The following IDE variants were observed in gnomAD, a reference collection of about 807,000 sequenced individuals.
IDE encodes the protein insulin degrading enzyme.
In IDE, 58 loss-of-function variants were observed where a neutral mutation model predicts 133.2. The ratio of observed to expected loss-of-function variants is 0.44; its 90% CI spans 0.35 to 0.54. IDE has a LOEUF of 0.54. Ranked by LOEUF, IDE falls within the 20% of genes least tolerant of loss-of-function variation. The probability of loss-of-function intolerance (pLI) is 0.00; values close to 1 mark genes in which losing one functional copy is unlikely to be tolerated. For synonymous variants in IDE, 396 were observed against 421.3 expected, an observed-to-expected ratio of 0.94 and a Z score of 0.73; for missense variants, 981 against 1,234.0, an observed-to-expected ratio of 0.79 and a Z score of 3.07.
chr10:92,536,991 T>C (rs1226683714), intron 2 of IDE, among the ~76,000 whole-genome samples: 6 of 151,422 alleles, frequency 4.0e-5, no homozygotes, highest in Admixed American at 3.3e-4. Flanking sequence ...TGAGCCGAGA[T>C]TGCGCCACTG....
chr10:92,566,348 C>T (rs1048395371), intron 1 of IDE, among the ~76,000 whole-genome samples: 2 of 151,912 alleles, frequency 1.3e-5, no homozygotes, highest in Non-Finnish European at 2.9e-5. Flanking sequence ...GCCCTGATCA[C>T]GCCACTGCAC....
intron 1 of IDE, 126 bp downstream of exon 1, chr10:92,573,796 C>T (rs2135870287): frequency 1.5e-6 from 1 of 678,996 alleles, no homozygotes; most frequent in South Asian, 2.4e-5. Flanking sequence ...GGCCCCAGGC[C>T]GGCGGGACGG....
intron 1 of IDE, among the ~76,000 whole-genome samples, chr10:92,548,107 C>A (rs1842607732): frequency 6.6e-6 from 1 of 151,954 alleles, no homozygotes; most frequent in African/African-American, 2.4e-5. Flanking sequence ...TGCCTGTAAT[C>A]CCAGCACTTT....
At chr10:92,513,596 T>C (rs1848740201) in intron 5 of IDE, among the ~76,000 whole-genome samples, 2 of 151,358 alleles carry the variant, frequency 1.3e-5, no homozygotes, top group South Asian at 4.1e-4. Context: ...ACAGCTTTTG[T>C]TTTCTCTTTA....
chr10:92,524,518 T>TATATG (rs1849512247), intron 4 of IDE, among the ~76,000 whole-genome samples: 1 of 46,844 alleles, frequency 2.1e-5, no homozygotes, highest in Non-Finnish European at 4.1e-5. Flanking sequence ...ATATATAATA[T>TATATG]ATATTATATT....
intron 4 of IDE, among the ~76,000 whole-genome samples, chr10:92,529,896 A>G (rs1849821598): frequency 6.6e-6 from 1 of 152,140 alleles, no homozygotes; most frequent in Non-Finnish European, 1.5e-5. Flanking sequence ...AAATAGCAGC[A>G]TTGTTTGTGT....
chr10:92,544,250 G>C (rs1005802101), intron 1 of IDE, among the ~76,000 whole-genome samples: 1 of 148,222 alleles, frequency 6.7e-6, no homozygotes, highest in African/African-American at 2.5e-5. Flanking sequence ...AAAAAAAAAA[G>C]ATAGAATACC....
At chr10:92,556,309 CAATT>C (rs1322029538) in intron 1 of IDE, among the ~76,000 whole-genome samples, 5 of 147,654 alleles carry the variant, frequency 3.4e-5, no homozygotes, top group South Asian at 2.1e-4. Context: ...AATAAGAAAA[CAATT>C]AATAATAGCA....
chr10:92,530,708 C>A (rs1023426290), intron 4 of IDE, among the ~76,000 whole-genome samples: 8 of 152,184 alleles, frequency 5.3e-5, no homozygotes, highest in African/African-American at 1.7e-4. Context: ...CCACACTATT[C>A]ATCTTGGCAA....
chr10:92,548,817 C>G (rs996863273), intron 1 of IDE, among the ~76,000 whole-genome samples: 1 of 152,146 alleles, frequency 6.6e-6, no homozygotes, highest in African/African-American at 2.4e-5. Flanking sequence ...AAGTAGTTCT[C>G]AATGGGTGAC....
chr10:92,511,533 T>C (rs570085893), intron 5 of IDE, among the ~76,000 whole-genome samples: 4 of 152,224 alleles, frequency 2.6e-5, no homozygotes, highest in Non-Finnish European at 5.9e-5. Context: ...AATAAGATTC[T>C]TGCCTTGATA....
At chr10:92,491,014 G>A (rs1486674578) in intron 11 of IDE, among the ~76,000 whole-genome samples, 1 of 152,164 alleles carries the variant, frequency 6.6e-6, no homozygotes, top group East Asian at 1.9e-4. Context: ...GAGGCAGGAT[G>A]CTCACTTGAG....
Position 92,507,686 on chromosome 10 carries a change from T to A in IDE, c.1154-20A>T. The A allele has an allele frequency of 7.8e-7, 1 of 1,279,652 alleles. No homozygotes were observed. 79.3% of individuals were successfully genotyped at this position (1,279,652 alleles called of 1,614,324 possible). On this transcript the variant is annotated intron_variant, in intron 8 of 24. Coordinates refer to ENST00000265986, the MANE Select transcript of IDE (RefSeq NM_004969.4). ...CATGTACTGGAAAAAAGGGGCACAC[T>A]TAAAAACCATTCAGTCCTTGAATCC...
At chr10:92,517,591 AT>A (rs1329994050) in intron 4 of IDE, among the ~76,000 whole-genome samples, 2 of 151,578 alleles carry the variant, frequency 1.3e-5, no homozygotes, top group African/African-American at 2.4e-5. Flanking sequence ...AATTATTTTT[AT>A]TTTTTTTGGT....
intron 5 of IDE, among the ~76,000 whole-genome samples, chr10:92,510,521 T>C (rs775216242): frequency 6.6e-6 from 1 of 152,082 alleles, no homozygotes; most frequent in Non-Finnish European, 1.5e-5. Flanking sequence ...AAATTATCTT[T>C]TGTGCCTTTA....
rs561461888 is a variant in IDE at position 92,524,735 on chromosome 10, C to A, written c.661+7013G>T. Among the ~76,000 whole-genome samples, 18 of 144,208 alleles carry A rather than the reference C, an allele frequency of 1.2e-4. No individual in the cohort carries two copies. In the South Asian group the frequency reaches 3.5e-3, roughly 28 times the overall value. 94.6% of individuals were successfully genotyped at this position (144,208 alleles called of 152,430 possible). On this transcript the variant is annotated intron_variant, in intron 4 of 24. Coordinates refer to ENST00000265986, the MANE Select transcript of IDE (RefSeq NM_004969.4). ...GTCAGAAGTTTGAGATCAGCCTGGC[C>A]AATATAGCAAAACCCCGTCTCTACT...
chr10:92,510,780 A>G (rs1191152036), intron 5 of IDE, among the ~76,000 whole-genome samples: 2 of 42,462 alleles, frequency 4.7e-5, no homozygotes, highest in South Asian at 7.6e-4. Flanking sequence ...TATAGCACAT[A>G]CATCTCACAT....
At chr10:92,482,811 T>G (rs1846695510) in intron 14 of IDE, among the ~76,000 whole-genome samples, 1 of 152,112 alleles carries the variant, frequency 6.6e-6, no homozygotes, top group Non-Finnish European at 1.5e-5. Context: ...TTTTTTTCTT[T>G]TCTTTTTTTT....
chr10:92,485,053 TA>T (rs958041126), intron 13 of IDE, among the ~76,000 whole-genome samples: 45 of 150,698 alleles, frequency 3.0e-4, no homozygotes, highest in Non-Finnish European at 5.3e-4. Flanking sequence ...GCGAGTCTTT[TA>T]AAAAAAGGAA....
Sources: gnomAD v4.1 joint callset for allele counts (sites outside exome capture counted in the v4.1 genomes callset) on GRCh38, gnomAD v4.1.1 for gene constraint, MANE v1.5 for transcripts, NCBI Gene and HGNC (gene_info 2026-07-23, HGNC 2026-07-21) for gene names.